The following NINL variants were observed in gnomAD, a reference collection of about 807,000 sequenced individuals.
NINL encodes the protein ninein like.
In NINL, 153 loss-of-function variants were observed where a neutral mutation model predicts 160.3. The observed-to-expected ratio is 0.95, with a 90% CI of 0.84 to 1.09. The LOEUF (loss-of-function observed/expected upper bound fraction) is 1.09, where lower values mean the gene tolerates loss of function less well. NINL is among the 50% of genes least tolerant of loss of function. The pLI is 0.00. For missense variants in NINL, 1,829 were observed against 1,764.0 expected, an observed-to-expected ratio of 1.04 and a Z score of -0.66; for synonymous variants, 800 against 734.8, an observed-to-expected ratio of 1.09 and a Z score of -1.43.
intron 1 of NINL, among the ~76,000 whole-genome samples, chr20:25,583,424 A>G (rs2065195424): frequency 6.6e-6 from 1 of 152,254 alleles, no homozygotes; most frequent in South Asian, 2.1e-4. Flanking sequence ...CCACAATGAG[A>G]TACCATCTCA....
chr20:25,506,651 C>T (rs1159641535), intron 5 of NINL, among the ~76,000 whole-genome samples: 3 of 152,130 alleles, frequency 2.0e-5, no homozygotes, highest in African/African-American at 7.2e-5. Flanking sequence ...TAACACAAAG[C>T]CTATTTTAGA....
chr20:25,576,247 A>C (rs753344002), intron 1 of NINL, among the ~76,000 whole-genome samples: 7 of 152,118 alleles, frequency 4.6e-5, no homozygotes, highest in African/African-American at 1.7e-4. Flanking sequence ...GCAGGGCGTT[A>C]TGTAGAATGT....
chr20:25,583,809 T>C (rs2065199106), intron 1 of NINL, among the ~76,000 whole-genome samples: 1 of 152,018 alleles, frequency 6.6e-6, no homozygotes, highest in African/African-American at 2.4e-5. Flanking sequence ...AAAGAATGAG[T>C]TCATGTCCTT....
At position 25,476,779 on chromosome 20, in the gene NINL, T is replaced by C; in HGVS notation, c.2512A>G (p.Ser838Gly). The change falls in exon 17 of 24, where the codon AGT (serine) becomes GGT (glycine). Residue 838 changes from serine (S) to glycine (G), a missense_variant. By Grantham distance (56) the Ser-to-Gly change is moderately conservative (BLOSUM62 0). Coordinates refer to ENST00000278886, the MANE Select transcript of NINL (RefSeq NM_025176.6). ...ALPKDGLVAG[S>G]GQEGTRGLLP... Reference sequence around the variant, plus strand: ...AGGCCACGTGTGCCCTCCTGGCCACTTCCTGCCACCAGCCCATCTTTCGGC... The same window carrying C: ...AGGCCACGTGTGCCCTCCTGGCCACCTCCTGCCACCAGCCCATCTTTCGGC... 6.2e-7 allele frequency: 1 copy of C among 1,611,922 alleles called. No individual in the cohort carries two copies. The highest frequency in any genetic ancestry group is 1.1e-5 in the South Asian group (1 of 91,080).
intron 1 of NINL, among the ~76,000 whole-genome samples, chr20:25,579,974 T>C (rs2065154528): frequency 1.3e-5 from 2 of 152,146 alleles, no homozygotes. Context: ...TGACCACTCT[T>C]AGAAACTCCA....
At chr20:25,484,980 C>T (rs1053778335) in intron 13 of NINL, among the ~76,000 whole-genome samples, 1 of 152,220 alleles carries the variant, frequency 6.6e-6, no homozygotes, top group African/African-American at 2.4e-5. Flanking sequence ...CACCCATGTG[C>T]TGTGCCAGCT....
intron 13 of NINL, 97 bp from the exon 14 acceptor site, chr20:25,482,197 G>T: frequency 1.4e-6 from 2 of 1,412,874 alleles, no homozygotes; most frequent in Non-Finnish European, 9.5e-7. Context: ...TTGCAGGTGA[G>T]GTGCACTGTG....
chr20:25,584,580 A>T (rs2122127283), intron 1 of NINL, among the ~76,000 whole-genome samples: 1 of 152,358 alleles, frequency 6.6e-6, no homozygotes, highest in African/African-American at 2.4e-5. Flanking sequence ...GAAACTTACC[A>T]TTACTCATGA....
chr20:25,500,943 C>T lies in NINL; in HGVS notation c.929G>A (p.Arg310His), dbSNP rs550403825. ...SSLVSLCSSL[R>H]LFSSIDDGSG... is the part of the protein sequence containing the mutation. ...ACCATCGTCAATGCTGGAGAAGAGG[C>T]GCAGGCTGGAGCACAGGGACACGAG... The change falls in exon 8 of 24, where the codon CGC (arginine) becomes CAC (histidine). Residue 310 changes from arginine to histidine, a missense_variant. Physicochemically the swap from Arg to His is conservative, Grantham distance 29. Transcript: ENST00000278886. 3.7e-5 allele frequency: 59 copies of T among 1,614,200 alleles called. 1 individual carries two copies. The South Asian group carries it at 4.4e-4, about 12-fold the overall frequency.
intron 1 of NINL, among the ~76,000 whole-genome samples, chr20:25,557,779 T>C (rs1029031442): frequency 6.6e-6 from 1 of 152,136 alleles, no homozygotes; most frequent in East Asian, 1.9e-4. Flanking sequence ...ATTATCTAGA[T>C]GTATAAAAAG....
intron 17 of NINL, among the ~76,000 whole-genome samples, chr20:25,471,484 G>A (rs528882392): frequency 6.6e-6 from 1 of 152,154 alleles, no homozygotes; most frequent in South Asian, 2.1e-4. Flanking sequence ...AAGGCCGAAA[G>A]CTGAGGGGTG....
At chr20:25,478,675 G>T (rs545061398) in intron 16 of NINL, among the ~76,000 whole-genome samples, 2 of 152,316 alleles carry the variant, frequency 1.3e-5, no homozygotes, top group South Asian at 4.1e-4. Context: ...CTGAGGCAGA[G>T]GGTACAGAAC....
At chr20:25,580,990 T>A (rs1375311848) in intron 1 of NINL, among the ~76,000 whole-genome samples, 2 of 152,248 alleles carry the variant, frequency 1.3e-5, no homozygotes. Context: ...GCGCTGGAAA[T>A]GCCTTCCAGG....
intron 1 of NINL, among the ~76,000 whole-genome samples, chr20:25,554,457 C>T (rs1294872644): frequency 6.6e-6 from 1 of 152,020 alleles, no homozygotes; most frequent in Non-Finnish European, 1.5e-5. Context: ...TGGCAATCTG[C>T]ATACTGGAGT....
In NINL at chr20:25,496,791, C is replaced by T. The variant is rs143652872; in HGVS notation, c.1182G>A (p.Glu394=). The part of the protein sequence containing the change: ...QELSYQQGQV[E]QLARERDKAR... Reference sequence around the variant, plus strand: ...CCTTGTCACGCTCCCTTGCCAGCTGCTCCACCTGCCCTCTGCCACAGGAAG... The same window carrying T: ...CCTTGTCACGCTCCCTTGCCAGCTGTTCCACCTGCCCTCTGCCACAGGAAG... The change falls in exon 10 of 24, where the codon GAG becomes GAA. Residue 394 remains glutamate (E), a synonymous_variant. Coordinates refer to ENST00000278886, the MANE Select transcript of NINL (RefSeq NM_025176.6). 16,208 of 1,613,976 alleles carry T rather than the reference C, an allele frequency of 0.01. 169 individuals carry two copies. Among genetic ancestry groups the T allele is most frequent in the South Asian group, 0.038 (3,455 of 91,070 alleles).
At chr20:25,572,276 A>G (rs1038278358) in intron 1 of NINL, among the ~76,000 whole-genome samples, 1 of 151,610 alleles carries the variant, frequency 6.6e-6, no homozygotes, top group African/African-American at 2.4e-5. Flanking sequence ...AGTGACCTTA[A>G]AGGTTGAGGG....
At chr20:25,559,598 CA>C (rs2064908713) in intron 1 of NINL, among the ~76,000 whole-genome samples, 2 of 151,714 alleles carry the variant, frequency 1.3e-5, no homozygotes, top group Middle Eastern at 3.4e-3. Context: ...TCTATCTTGC[CA>C]GGTGTTTTGT....
intron 1 of NINL, among the ~76,000 whole-genome samples, chr20:25,540,994 C>A (rs4815430): frequency 1 from 151,800 of 152,058 alleles, 75,771 homozygotes; most frequent in Non-Finnish European, 1. Flanking sequence ...TCCCAAAAAT[C>A]TAAAAATAAG....
intron 17 of NINL, among the ~76,000 whole-genome samples, chr20:25,470,674 G>C (rs2063073372): frequency 6.6e-6 from 1 of 152,178 alleles, no homozygotes; most frequent in African/African-American, 2.4e-5. Context: ...TGATTTGATA[G>C]ATGAAGATGG....
Sources: allele counts gnomAD v4.1 joint callset (sites outside exome capture counted in the v4.1 genomes callset), GRCh38; gene constraint gnomAD v4.1.1; transcripts MANE v1.5; gene names NCBI Gene and HGNC (gene_info 2026-07-23, HGNC 2026-07-21).